CCZ1B: variants seen among roughly 807,000 people sequenced by gnomAD.
CCZ1B encodes the protein CCZ1B vacuolar protein trafficking and biogenesis associated.
A neutral mutation model predicts 58.8 loss-of-function variants in CCZ1B; 25 were observed. That is an observed-to-expected ratio of 0.43 (90% CI 0.31 to 0.59). CCZ1B has a LOEUF of 0.59. Ranked by LOEUF, CCZ1B falls within the 20% of genes least tolerant of loss-of-function variation. The pLI is 0.12. For missense variants in CCZ1B, 180 were observed against 501.5 expected (o/e 0.36, Z 6.12); for synonymous variants, 66 against 173.2 (o/e 0.38, Z 4.86).
intron 5 of CCZ1B, 137 bp downstream of exon 5, chr7:6,823,176 G>A (rs1393294028): frequency 3.3e-6 from 3 of 914,330 alleles, no homozygotes; most frequent in Admixed American, 3.0e-5. Context: ...CTGTTTCAAA[G>A]GCCTCATTAT....
At chr7:6,823,990 G>A in intron 4 of CCZ1B, 99 bp downstream of exon 4, 1 of 689,136 alleles carries the variant, frequency 1.5e-6, no homozygotes, top group Non-Finnish European at 2.4e-6. Flanking sequence ...AGAAACTTCT[G>A]CAAAAGCCTC....
Position 6,813,598 on chromosome 7 carries a change from G to A in CCZ1B, c.781-561C>T, listed in dbSNP as rs572559182. ...GACAAGAGGGAGGGAATGAACAAGC[G>A]AAGAGAGTGAGTTCAACTGAGCCAA... On this transcript the variant is annotated intron_variant, in intron 8 of 14. Transcript: ENST00000316731. Among the ~76,000 whole-genome samples the A allele has an allele frequency of 4.0e-5, 6 of 149,442 alleles. No individual in the cohort carries two copies. The East Asian group carries it at 5.8e-4, about 14-fold the overall frequency.
intron 9 of CCZ1B, among the ~76,000 whole-genome samples, 167 bp downstream of exon 9, chr7:6,812,809 C>T (rs1481466660): frequency 1.3e-5 from 2 of 148,790 alleles, no homozygotes; most frequent in African/African-American, 5.1e-5. Flanking sequence ...GCCTGTAGTT[C>T]CAGCTACTTG....
intron 5 of CCZ1B, among the ~76,000 whole-genome samples, chr7:6,822,731 T>A (rs1388284651): frequency 1.9e-5 from 2 of 104,252 alleles, no homozygotes; most frequent in South Asian, 7.2e-4. Context: ...TGAGATGGAA[T>A]CTCGCTGTTG....
At chr7:6,825,208 A>C (rs1294700323) in intron 1 of CCZ1B, among the ~76,000 whole-genome samples, 1 of 148,062 alleles carries the variant, frequency 6.8e-6, no homozygotes, top group Admixed American at 6.7e-5. Context: ...AATTAAATCC[A>C]GTCAGTTCCC....
At chr7:6,804,485 T>C (rs1782808154) in intron 12 of CCZ1B, among the ~76,000 whole-genome samples, 1 of 111,788 alleles carries the variant, frequency 8.9e-6, no homozygotes, top group Non-Finnish European at 1.8e-5. Flanking sequence ...GCCGGAGGAG[T>C]GAATCCCGCC....
chr7:6,825,004 T>C (rs1168056159), intron 1 of CCZ1B, among the ~76,000 whole-genome samples: 1 of 149,936 alleles, frequency 6.7e-6, no homozygotes, highest in Non-Finnish European at 1.5e-5. Flanking sequence ...ACAGGAATGA[T>C]CTCATCATTG....
chr7:6,818,395 A>G (rs927433138), intron 7 of CCZ1B, among the ~76,000 whole-genome samples: 1 of 149,220 alleles, frequency 6.7e-6, no homozygotes, highest in Non-Finnish European at 1.5e-5. Context: ...CTGAAAATAC[A>G]AAAATTAGCC....
At chr7:6,816,952 TAC>T (rs1304817883) in intron 7 of CCZ1B, among the ~76,000 whole-genome samples, 3 of 150,974 alleles carry the variant, frequency 2.0e-5, no homozygotes, top group Non-Finnish European at 4.4e-5. Flanking sequence ...TTTGTAGAGA[TAC>T]AGTCTCACTA....
rs188159247 is a variant in CCZ1B at position 6,825,237 on chromosome 7, G to A, written c.121-500C>T. ...AGTTCCCAGCCATTTGAACTGACAAGTTGTTTTTTTTTTCTTTTTCTGGAG... is the reference window on the plus strand; with the variant it reads ...AGTTCCCAGCCATTTGAACTGACAAATTGTTTTTTTTTTCTTTTTCTGGAG... On this transcript the variant is annotated intron_variant, in intron 1 of 14. Coordinates refer to ENST00000316731, the MANE Select transcript of CCZ1B (RefSeq NM_198097.5). Among the ~76,000 whole-genome samples the A allele has an allele frequency of 9.4e-3, 1,374 of 146,774 alleles. 81 individuals are homozygous for A. Among genetic ancestry groups the A allele is most frequent in the Non-Finnish European group, 0.016 (1,091 of 67,390 alleles).
intron 7 of CCZ1B, among the ~76,000 whole-genome samples, chr7:6,817,206 C>G (rs1466672548): frequency 3.3e-5 from 5 of 151,622 alleles, no homozygotes; most frequent in African/African-American, 1.2e-4. Flanking sequence ...GATGCTATTC[C>G]AAGATGACGA....
rs1562433408 is a variant in CCZ1B, at chr7:6,823,512, G to GTTTTTT, written c.391-153_391-152insAAAAAA. ...TTGCGTGCTGAAAAAAAGTGTTTGC[G>GTTTTTT]TTCTTTTTTTTTTTTTTTTTTTTTG... On this transcript the variant is annotated intron_variant, in intron 4 of 14. Coordinates refer to ENST00000316731, the MANE Select transcript of CCZ1B (RefSeq NM_198097.5). The GTTTTTT allele has an allele frequency of 1.0e-5, 8 of 777,012 alleles. No homozygotes were observed. In the African/African-American group the frequency reaches 1.1e-4, roughly 10 times the overall value. 48.1% of individuals were successfully genotyped at this position (777,012 alleles called of 1,614,324 possible). A position where few individuals can be genotyped will look rare whatever the true frequency, so the allele number is the denominator to read the frequency against.
Position 6,812,188 on chromosome 7 carries a change from C to T in CCZ1B, c.843-125G>A, listed in dbSNP as rs747022393. 3.4e-4 allele frequency: 379 copies of T among 1,113,604 alleles called. 16 individuals are homozygous for T. In the Middle Eastern group the frequency reaches 4.8e-3, roughly 14 times the overall value. 69.0% of individuals were successfully genotyped at this position (1,113,604 alleles called of 1,614,324 possible). On this transcript the variant is annotated intron_variant, in intron 9 of 14. Transcript: ENST00000316731. ...TTGATGCCAGCTGCTATTTGGCAAA[C>T]ACCATATCAGAATAGGCCGGCTGGG... is the stretch of plus-strand genomic sequence containing the variant.
chr7:6,800,263 G>C (rs1057026477), intron 14 of CCZ1B, among the ~76,000 whole-genome samples: 1 of 140,026 alleles, frequency 7.1e-6, no homozygotes, highest in Non-Finnish European at 1.5e-5. Flanking sequence ...AGGAGAAAAT[G>C]TCTGCCTCCT....
intron 8 of CCZ1B, among the ~76,000 whole-genome samples, chr7:6,813,454 T>C (rs1354407560): frequency 2.7e-5 from 4 of 149,248 alleles, no homozygotes; most frequent in African/African-American, 1.0e-4. Context: ...GGCACACACC[T>C]GTAGTCTCAG....
At position 6,817,897 on chromosome 7, in the gene CCZ1B, G is replaced by A. The variant is rs186309883; in HGVS notation, c.698+1869C>T. Among the ~76,000 whole-genome samples, 42 of 148,952 alleles carry A rather than the reference G, an allele frequency of 2.8e-4. 3 individuals carry two copies. The highest frequency in any genetic ancestry group is 2.4e-4 in the Non-Finnish European group (16 of 67,532). On this transcript the variant is annotated intron_variant, in intron 7 of 14. Coordinates refer to ENST00000316731, the MANE Select transcript of CCZ1B (RefSeq NM_198097.5). ...TACTCACCTGTAATCCCAGCTACTCGGGAGGCTGAGGCAGGAGAATTGCTT... is the reference window on the plus strand; with the variant it reads ...TACTCACCTGTAATCCCAGCTACTCAGGAGGCTGAGGCAGGAGAATTGCTT...
At chr7:6,814,153 T>C (rs1370548457) in intron 8 of CCZ1B, among the ~76,000 whole-genome samples, 2 of 148,172 alleles carry the variant, frequency 1.3e-5, no homozygotes, top group Non-Finnish European at 3.0e-5. Context: ...TCCCAATAAA[T>C]AAATAAATAA....
chr7:6,816,550 C>G (rs1783003088), intron 7 of CCZ1B, among the ~76,000 whole-genome samples: 1 of 150,550 alleles, frequency 6.6e-6, no homozygotes, highest in South Asian at 2.1e-4. Context: ...CTGCTTGTGA[C>G]AAATGTTTTT....
At chr7:6,808,398 AC>A (rs1782866220) in intron 10 of CCZ1B, among the ~76,000 whole-genome samples, 3 of 67,364 alleles carry the variant, frequency 4.5e-5, no homozygotes, top group African/African-American at 1.7e-4. Context: ...AAAAAAAAAA[AC>A]AAAAAACAAA....
Sources: allele counts gnomAD v4.1 joint callset (sites outside exome capture counted in the v4.1 genomes callset), GRCh38; gene constraint gnomAD v4.1.1; transcripts MANE v1.5; gene names NCBI Gene and HGNC (gene_info 2026-07-23, HGNC 2026-07-21).